NALF1: variants seen among roughly 807,000 people sequenced by gnomAD.
The protein encoded by NALF1 is NALCN channel auxiliary factor 1.
NALF1 carries 3 observed loss-of-function variants against 48.4 expected under a neutral mutation model. That is an observed-to-expected ratio of 0.06 (90% confidence interval 0.03 to 0.16). The LOEUF is 0.16. Among genes scored for constraint, NALF1 ranks in the 10% least tolerant of loss-of-function variants. The pLI is 1.00. For synonymous variants in NALF1, 262 were observed against 245.7 expected (o/e 1.07, Z -0.62); for missense variants, 526 against 571.5 (o/e 0.92, Z 0.81).
chr13:107,516,074 G>T lies in NALF1; in HGVS notation c.916-305319C>A, dbSNP rs1876040288. Among the ~76,000 whole-genome samples, 4 of 152,272 alleles carry T rather than the reference G, an allele frequency of 2.6e-5. No individual in the cohort carries two copies. In the South Asian group the frequency reaches 8.3e-4, roughly 32 times the overall value. ...TGATAAGAAAAGGAAAATGTTCACT[G>T]GGGGTTTGAATATTTAGGGTTTCAA... is the stretch of plus-strand genomic sequence containing the variant. On this transcript the variant is annotated intron_variant, in intron 1 of 2. Coordinates refer to ENST00000375915, the MANE Select transcript of NALF1 (RefSeq NM_001080396.3).
At chr13:107,844,863 C>A (rs916129173) in intron 1 of NALF1, among the ~76,000 whole-genome samples, 12 of 152,158 alleles carry the variant, frequency 7.9e-5, no homozygotes, top group African/African-American at 2.9e-4. Context: ...AGAGTCAAAG[C>A]AGGCCTGGAT....
chr13:107,182,256 G>A (rs1260527906), intron 2 of NALF1, among the ~76,000 whole-genome samples: 3 of 23,574 alleles, frequency 1.3e-4, no homozygotes, highest in Non-Finnish European at 2.2e-4. Context: ...GTGTGTCCGT[G>A]TGTGTGTGTG....
At chr13:107,303,320 A>G (rs1014242993) in intron 1 of NALF1, among the ~76,000 whole-genome samples, 7 of 152,208 alleles carry the variant, frequency 4.6e-5, no homozygotes, top group African/African-American at 1.7e-4. Flanking sequence ...AATTTACAAG[A>G]TCGAATGACT....
chr13:107,682,957 C>A (rs1445078585), intron 1 of NALF1, among the ~76,000 whole-genome samples: 1 of 152,120 alleles, frequency 6.6e-6, no homozygotes, highest in Non-Finnish European at 1.5e-5. Context: ...ACAAATTGTT[C>A]TTTATTCAAA....
intron 1 of NALF1, among the ~76,000 whole-genome samples, chr13:107,280,258 C>T (rs1228979645): frequency 6.6e-6 from 1 of 152,204 alleles, no homozygotes; most frequent in East Asian, 1.9e-4. Flanking sequence ...CAAATGCTTT[C>T]TTTCCACGAA....
intron 1 of NALF1, among the ~76,000 whole-genome samples, chr13:107,311,114 G>A (rs1882036576): frequency 6.6e-6 from 1 of 152,044 alleles, no homozygotes; most frequent in Admixed American, 6.6e-5. Flanking sequence ...TTTCCCCCAA[G>A]AAATGAGATA....
At chr13:107,194,971 C>T (rs1373775896) in intron 2 of NALF1, among the ~76,000 whole-genome samples, 2 of 152,172 alleles carry the variant, frequency 1.3e-5, no homozygotes, top group Non-Finnish European at 1.5e-5. Context: ...AAAACCTGCT[C>T]AACATCACTA....
At chr13:107,646,253 T>G (rs981996293) in intron 1 of NALF1, among the ~76,000 whole-genome samples, 1 of 151,428 alleles carries the variant, frequency 6.6e-6, no homozygotes, top group African/African-American at 2.4e-5. Context: ...TATCCTGTAC[T>G]CTTTCACATA....
At chr13:107,784,432 A>G (rs1467927012) in intron 1 of NALF1, among the ~76,000 whole-genome samples, 2 of 152,282 alleles carry the variant, frequency 1.3e-5, no homozygotes, top group East Asian at 1.9e-4. Flanking sequence ...TCTTCTTTAT[A>G]TAGAATAGAA....
chr13:107,595,710 C>A (rs1320701572), intron 1 of NALF1, among the ~76,000 whole-genome samples: 3 of 152,146 alleles, frequency 2.0e-5, no homozygotes, highest in Admixed American at 6.6e-5. Flanking sequence ...CTGTCACATG[C>A]ATCATCTGTG....
intron 2 of NALF1, among the ~76,000 whole-genome samples, chr13:107,192,691 G>A (rs1016502070): frequency 3.9e-5 from 6 of 152,150 alleles, no homozygotes; most frequent in African/African-American, 1.4e-4. Context: ...TTCCAAGAGG[G>A]TTTGTGGCTA....
At chr13:107,629,741 G>A (rs1346260055) in intron 1 of NALF1, among the ~76,000 whole-genome samples, 2 of 152,032 alleles carry the variant, frequency 1.3e-5, no homozygotes, top group African/African-American at 4.8e-5. Flanking sequence ...GATATAGATA[G>A]AAATGTTTTA....
chr13:107,715,190 C>A (rs1875714115), intron 1 of NALF1, among the ~76,000 whole-genome samples: 1 of 151,484 alleles, frequency 6.6e-6, no homozygotes, highest in South Asian at 2.1e-4. Flanking sequence ...ATAATAATTT[C>A]TTTCTTTCTC....
At chr13:107,670,049 C>G (rs370380127) in intron 1 of NALF1, among the ~76,000 whole-genome samples, 69 of 152,264 alleles carry the variant, frequency 4.5e-4, no homozygotes, top group African/African-American at 1.6e-3. Flanking sequence ...TGCATCCTTT[C>G]TACTTCACCA....
At chr13:107,429,913 A>T (rs1286161456) in intron 1 of NALF1, among the ~76,000 whole-genome samples, 1 of 152,132 alleles carries the variant, frequency 6.6e-6, no homozygotes, top group Non-Finnish European at 1.5e-5. Context: ...AAGACCTGGA[A>T]TTTTTCTATG....
intron 1 of NALF1, among the ~76,000 whole-genome samples, chr13:107,815,144 A>T (rs1879124675): frequency 6.6e-6 from 1 of 152,212 alleles, no homozygotes; most frequent in Non-Finnish European, 1.5e-5. Context: ...TAAAATAAAA[A>T]AAAGATACAT....
At chr13:107,773,413 G>C (rs1877634022) in intron 1 of NALF1, among the ~76,000 whole-genome samples, 1 of 152,112 alleles carries the variant, frequency 6.6e-6, no homozygotes, top group African/African-American at 2.4e-5. Flanking sequence ...TATATGGCTA[G>C]ACCTCAAGTT....
chr13:107,837,417 A>C (rs1251787701), intron 1 of NALF1, among the ~76,000 whole-genome samples: 1 of 152,042 alleles, frequency 6.6e-6, no homozygotes, highest in African/African-American at 2.4e-5. Flanking sequence ...CTCAGAGTGA[A>C]AAAGACAATT....
intron 1 of NALF1, among the ~76,000 whole-genome samples, chr13:107,748,430 A>G (rs1876842815): frequency 6.6e-6 from 1 of 152,190 alleles, no homozygotes; most frequent in Admixed American, 6.5e-5. Flanking sequence ...TAGTCTTTAT[A>G]CCACACTGGC....
Sources: allele counts gnomAD v4.1 joint callset (sites outside exome capture counted in the v4.1 genomes callset), GRCh38; gene constraint gnomAD v4.1.1; transcripts MANE v1.5; gene names NCBI Gene and HGNC (gene_info 2026-07-23, HGNC 2026-07-21).